The following MYH15 variants were observed in gnomAD, a reference collection of about 807,000 sequenced individuals.
The protein encoded by MYH15 is myosin heavy chain 15, also known as myosin-15.
Under a neutral mutation model 240.5 loss-of-function variants are expected in MYH15, and 227 were observed. The ratio of observed to expected loss-of-function variants is 0.94; its 90% CI spans 0.85 to 1.05. The LOEUF (loss-of-function observed/expected upper bound fraction) is 1.05. MYH15 is among the 50% of genes least tolerant of loss of function. The pLI is 0.00. For missense variants in MYH15, 2,217 were observed against 2,247.5 expected (o/e 0.99, Z 0.27); for synonymous variants, 785 against 796.7 (o/e 0.99, Z 0.25).
chr3:108,460,681 C>T (rs2083064695), intron 16 of MYH15, among the ~76,000 whole-genome samples: 1 of 152,092 alleles, frequency 6.6e-6, no homozygotes, highest in Non-Finnish European at 1.5e-5. Flanking sequence ...AGAGAATATG[C>T]ATACAGTGAA....
At chr3:108,537,870 T>A in the MYH15 span, among the ~76,000 whole-genome samples, 15 of 152,270 alleles carry the variant, frequency 9.9e-5, no homozygotes, top group Admixed American at 4.6e-4. Context: ...AAGGTTGGGA[T>A]AAAATATGCA....
intron 1 of MYH15, among the ~76,000 whole-genome samples, chr3:108,519,796 A>C (rs1167095663): frequency 1.3e-5 from 2 of 152,180 alleles, no homozygotes; most frequent in African/African-American, 4.8e-5. Context: ...TTCAGCACAA[A>C]AGACATGCAT....
At chr3:108,486,243 G>A (rs780703648) in intron 10 of MYH15, among the ~76,000 whole-genome samples, 180 bp downstream of exon 10, 15 of 152,182 alleles carry the variant, frequency 9.9e-5, no homozygotes, top group Non-Finnish European at 2.2e-4. Flanking sequence ...AGCTTCCAAA[G>A]TTACTATATT....
In MYH15 at chr3:108,501,810, C is replaced by G; in HGVS notation, c.241G>C (p.Glu81Gln). 6.2e-7 allele frequency: 1 copy of G among 1,614,100 alleles called. No homozygotes were observed. The highest frequency in any genetic ancestry group is 8.5e-7 in the Non-Finnish European group (1 of 1,179,976). ...EDKIQQMNPP[E>Q]FEMIEDMAML... ...GCCATGTCTTCAATCATTTCAAACTCTGGAGGATTCATCTGCTGGATTTTG... is the reference window on the plus strand; with the variant it reads ...GCCATGTCTTCAATCATTTCAAACTGTGGAGGATTCATCTGCTGGATTTTG... Residue 81 changes from glutamate (E) to glutamine (Q), a missense_variant, in exon 3 of 41, where the codon GAG (glutamate) becomes CAG (glutamine). Transcript: ENST00000693548.
intron 22 of MYH15, among the ~76,000 whole-genome samples, chr3:108,442,448 T>G (rs1051121779): frequency 1.3e-5 from 2 of 152,160 alleles, no homozygotes; most frequent in African/African-American, 2.4e-5. Context: ...CAGAGAAGCT[T>G]CCAATGTATG....
chr3:108,463,375 C>T, intron 15 of MYH15, 132 bp from the exon 16 acceptor site: 1 of 979,070 alleles, frequency 1.0e-6, no homozygotes, highest in Non-Finnish European at 1.5e-6. Context: ...AATGCAGTGG[C>T]ATAGTCACAG....
rs1265376001 is a variant in MYH15 at position 108,384,756 on chromosome 3, G to T, written c.5562C>A (p.Ser1854Arg). 1 of 1,613,586 alleles carries T rather than the reference G, an allele frequency of 6.2e-7. No homozygotes were observed. Among genetic ancestry groups the T allele is most frequent in the Non-Finnish European group, 8.5e-7 (1 of 1,179,818 alleles). ...GTTTATCCATCTGAGTTTGCATCCT[G>T]CTCAGATTCTTCTTGTCTTCCTCTG... The part of the protein sequence containing the change: ...YQAEEDKKNL[S>R]RMQTQMDKLQ... Residue 1854 changes from serine (S) to arginine (R), a missense_variant, in exon 39 of 41, where the codon AGC becomes AGA. Transcript: ENST00000693548.
chr3:108,415,759 G>A (rs2082628277), intron 29 of MYH15, among the ~76,000 whole-genome samples: 1 of 152,172 alleles, frequency 6.6e-6, no homozygotes. Context: ...GATGGTGCCT[G>A]GTTTAAGAGG....
At chr3:108,461,299 T>G (rs1056682203) in intron 16 of MYH15, among the ~76,000 whole-genome samples, 1 of 152,198 alleles carries the variant, frequency 6.6e-6, no homozygotes, top group African/African-American at 2.4e-5. Flanking sequence ...TCTTTGTACT[T>G]CAGTTTTTCC....
intron 25 of MYH15, 75 bp downstream of exon 25, chr3:108,437,479 A>C (rs1435010766): frequency 3.9e-6 from 6 of 1,534,968 alleles, no homozygotes; most frequent in Non-Finnish European, 8.7e-7. Context: ...AGTCCTAAGG[A>C]TAAATGAAAT....
intron 22 of MYH15, among the ~76,000 whole-genome samples, chr3:108,443,631 C>T (rs1019308845): frequency 4.6e-5 from 7 of 151,990 alleles, no homozygotes; most frequent in Admixed American, 3.9e-4. Context: ...AGTAATGACA[C>T]GTTAGCATCA....
chr3:108,397,746 A>G lies in MYH15; in HGVS notation c.5133+891T>C, dbSNP rs180729267. 1.2e-3 allele frequency among the ~76,000 whole-genome samples: 181 copies of G among 152,334 alleles called. 2 individuals are homozygous for G. Among genetic ancestry groups the G allele is most frequent in the African/African-American group, 4.2e-3 (174 of 41,576 alleles). On this transcript the variant is annotated intron_variant, in intron 35 of 40. Transcript: ENST00000693548. ...GAAGCCAGAGTCCAGACGGTGTATC[A>G]TATTTGTCAGCAGCCACTCAGAATT...
chr3:108,502,620 T>C (rs7635180), intron 2 of MYH15, among the ~76,000 whole-genome samples: 24,026 of 152,050 alleles, frequency 0.16, 2,119 homozygotes, highest in South Asian at 0.27. Flanking sequence ...TTAATATGGA[T>C]GCATTTCTAC....
At chr3:108,438,787 T>C (rs2082861877) in intron 24 of MYH15, among the ~76,000 whole-genome samples, 1 of 152,156 alleles carries the variant, frequency 6.6e-6, no homozygotes, top group Admixed American at 6.5e-5. Flanking sequence ...TAAACTGCTA[T>C]TTATTTGCCA....
chr3:108,535,243 T>C, the MYH15 span, among the ~76,000 whole-genome samples: 1 of 152,156 alleles, frequency 6.6e-6, no homozygotes, highest in East Asian at 1.9e-4. Context: ...TATAGTAAAA[T>C]ACCATGAACT....
At chr3:108,442,043 T>A (rs1353781084) in intron 22 of MYH15, among the ~76,000 whole-genome samples, 3 of 152,232 alleles carry the variant, frequency 2.0e-5, no homozygotes. Context: ...TCTTCTTTAT[T>A]GGCTAAATAA....
upstream of MYH15, among the ~76,000 whole-genome samples, chr3:108,514,773 T>C (rs1303105832): frequency 6.6e-6 from 1 of 152,150 alleles, no homozygotes; most frequent in African/African-American, 2.4e-5. Flanking sequence ...GGCAGAGTTA[T>C]GTTTTCTTAA....
chr3:108,433,274 T>C (rs1432846801), intron 25 of MYH15, among the ~76,000 whole-genome samples: 1 of 152,168 alleles, frequency 6.6e-6, no homozygotes, highest in Non-Finnish European at 1.5e-5. Context: ...ATTTCTCCCA[T>C]TTGGAATGGC....
intron 38 of MYH15, 61 bp downstream of exon 38, chr3:108,388,909 G>T: frequency 1.4e-6 from 2 of 1,446,424 alleles, no homozygotes; most frequent in South Asian, 1.2e-5. Context: ...CAGGCTTGAA[G>T]GAGTACTTTT....
Sources: gnomAD v4.1 joint callset for allele counts (sites outside exome capture counted in the v4.1 genomes callset) on GRCh38, gnomAD v4.1.1 for gene constraint, MANE v1.5 for transcripts, NCBI Gene and HGNC (gene_info 2026-07-23, HGNC 2026-07-21) for gene names.